Variants in DCP1A observed in about 807,000 individuals in gnomAD.
The protein encoded by DCP1A is decapping mRNA 1A, also known as mRNA-decapping enzyme 1A.
In DCP1A, 20 loss-of-function variants were observed where a neutral mutation model predicts 58.0. That is an observed-to-expected ratio of 0.34 (90% CI 0.24 to 0.50). DCP1A has a LOEUF of 0.50. DCP1A is among the 20% of genes least tolerant of loss of function. The pLI, the probability that DCP1A is intolerant of heterozygous loss-of-function variation, is 0.98. For synonymous variants in DCP1A, 285 were observed against 275.1 expected (o/e 1.04, Z -0.36); for missense variants, 613 against 712.2 (o/e 0.86, Z 1.59).
At chr3:53,330,830 T>A (rs797038628) in intron 3 of DCP1A, among the ~76,000 whole-genome samples, 5,395 of 149,292 alleles carry the variant, frequency 0.036, 284 homozygotes, top group African/African-American at 0.11. Flanking sequence ...TATATATTTT[T>A]TTTTTTTTTG....
At chr3:53,311,012 T>C (rs953306051) in intron 5 of DCP1A, among the ~76,000 whole-genome samples, 3 of 152,196 alleles carry the variant, frequency 2.0e-5, no homozygotes, top group Non-Finnish European at 2.9e-5. Flanking sequence ...ATCTGGGAAT[T>C]GGTGTTATTG....
intron 3 of DCP1A, among the ~76,000 whole-genome samples, chr3:53,321,311 C>A (rs939745290): frequency 6.6e-6 from 1 of 152,154 alleles, no homozygotes; most frequent in African/African-American, 2.4e-5. Flanking sequence ...CTATGCTACT[C>A]GGTTTAATTG....
At chr3:53,307,889 T>A (rs1490166063) in intron 5 of DCP1A, among the ~76,000 whole-genome samples, 1 of 152,232 alleles carries the variant, frequency 6.6e-6, no homozygotes, top group Admixed American at 6.5e-5. Context: ...ATCATTTATA[T>A]AATGCACATA....
chr3:53,336,845 GATTT>G (rs56054437), intron 3 of DCP1A, among the ~76,000 whole-genome samples: 19,730 of 144,132 alleles, frequency 0.14, 1,495 homozygotes, highest in South Asian at 0.18. Context: ...CCAAAGCCCA[GATTT>G]ATTTATTTAT....
intron 8 of DCP1A, among the ~76,000 whole-genome samples, chr3:53,288,638 T>C (rs1706736217): frequency 6.6e-6 from 1 of 152,050 alleles, no homozygotes; most frequent in Non-Finnish European, 1.5e-5. Flanking sequence ...GTTGGGGAAA[T>C]GACTGAAGAG....
chr3:53,326,025 T>C (rs540146618), intron 3 of DCP1A, among the ~76,000 whole-genome samples: 10 of 152,310 alleles, frequency 6.6e-5, no homozygotes, highest in African/African-American at 2.2e-4. Flanking sequence ...AAATTTAAAT[T>C]GTAATATCTA....
intron 3 of DCP1A, among the ~76,000 whole-genome samples, chr3:53,331,129 T>C (rs1329154116): frequency 6.6e-6 from 1 of 152,182 alleles, no homozygotes; most frequent in Non-Finnish European, 1.5e-5. Context: ...AGTGCTGGGA[T>C]TATAGGCATG....
chr3:53,295,715 T>C (rs559286010), intron 6 of DCP1A, among the ~76,000 whole-genome samples: 2 of 152,294 alleles, frequency 1.3e-5, no homozygotes, highest in East Asian at 3.9e-4. Flanking sequence ...AAATTTTTTG[T>C]AGTGAGCCAT....
chr3:53,297,775 C>T (rs1170452897), intron 6 of DCP1A, among the ~76,000 whole-genome samples: 1 of 152,154 alleles, frequency 6.6e-6, no homozygotes, highest in African/African-American at 2.4e-5. Context: ...AAACAGAGAT[C>T]AGATTGGGTC....
Position 53,292,292 on chromosome 3 carries a change from G to A in DCP1A, c.1160C>T (p.Thr387Ile). ...APLNVTNTAG[T>I]SLPSVDLLQK... ...GAGAAGATCAACGCTTGGGAGGGAT[G>A]TGCCAGCTGTGTTCGTCACGTTCAA... Residue 387 changes from threonine (T) to isoleucine (I), a missense_variant, in exon 7 of 10, where the codon ACA becomes ATA. By Grantham distance (89) the Thr-to-Ile change is moderately conservative. Coordinates refer to ENST00000610213, the MANE Select transcript of DCP1A (RefSeq NM_018403.7). 1 of 1,613,930 alleles carries A rather than the reference G, an allele frequency of 6.2e-7. No individual in the cohort carries two copies. The highest frequency in any genetic ancestry group is 8.5e-7 in the Non-Finnish European group (1 of 1,179,820).
intron 3 of DCP1A, among the ~76,000 whole-genome samples, chr3:53,330,523 GAAA>G (rs35855927): frequency 8.0e-6 from 1 of 125,572 alleles, no homozygotes; most frequent in Non-Finnish European, 1.7e-5. Context: ...CCTTGTCTCA[GAAA>G]AAAAAAAAAA....
chr3:53,322,977 A>C (rs534079794), intron 3 of DCP1A, among the ~76,000 whole-genome samples: 1 of 152,008 alleles, frequency 6.6e-6, no homozygotes, highest in South Asian at 2.1e-4. Context: ...GGCGCCCGTC[A>C]CCACACCCGG....
chr3:53,327,017 C>T (rs1708128717), intron 3 of DCP1A, among the ~76,000 whole-genome samples: 1 of 151,128 alleles, frequency 6.6e-6, no homozygotes, highest in Admixed American at 6.6e-5. Flanking sequence ...TCTAGTATCC[C>T]ACACAAATAT....
intron 8 of DCP1A, among the ~76,000 whole-genome samples, chr3:53,289,899 T>C (rs1252230621): frequency 6.6e-6 from 1 of 152,122 alleles, no homozygotes; most frequent in African/African-American, 2.4e-5. Flanking sequence ...AACGGTATGG[T>C]TTTTGGCATC....
intron 5 of DCP1A, among the ~76,000 whole-genome samples, chr3:53,309,647 C>T (rs1553688441): frequency 6.6e-6 from 1 of 152,048 alleles, no homozygotes. Context: ...GGCCTATAGT[C>T]GTGGCTAATT....
At chr3:53,298,108 C>CT (rs1707189448) in intron 6 of DCP1A, among the ~76,000 whole-genome samples, 1 of 152,246 alleles carries the variant, frequency 6.6e-6, no homozygotes, top group South Asian at 2.1e-4. Flanking sequence ...GTCCTGGCTG[C>CT]TTGGGAGGCT....
At chr3:53,321,859 A>T in intron 3 of DCP1A, among the ~76,000 whole-genome samples, 1 of 152,202 alleles carries the variant, frequency 6.6e-6, no homozygotes, top group Non-Finnish European at 1.5e-5. Flanking sequence ...AAAGTTAGTG[A>T]GCTTCAGTTA....
rs1553686306 is a variant in DCP1A, at chr3:53,292,681, G to A, written c.771C>T (p.Phe257=). 2 of 1,613,734 alleles carry A rather than the reference G, an allele frequency of 1.2e-6. No individual in the cohort carries two copies. Among genetic ancestry groups the A allele is most frequent in the South Asian group, 1.1e-5 (1 of 91,048 alleles). The change falls in exon 7 of 10, where the codon TTC becomes TTT. Residue 257 remains phenylalanine (F), a synonymous_variant. Transcript: ENST00000610213. The stretch of plus-strand genomic sequence containing the variant: ...CTAACTGCTCAAAGGGAAATGGTAG[G>A]AATGAATTGGGCTCTTTCTGGGAGG... ...GDASQKEPNS[F]LPFPFEQLGG... is the part of the protein sequence containing the mutation.
chr3:53,329,326 T>C (rs1400347657), intron 3 of DCP1A: 2 of 398,394 alleles, frequency 5.0e-6, no homozygotes, highest in Admixed American at 4.4e-5. Flanking sequence ...ACCTCCCTAC[T>C]TTTTCTAGTG....
Sources: gnomAD v4.1 joint callset for allele counts (sites outside exome capture counted in the v4.1 genomes callset) on GRCh38, gnomAD v4.1.1 for gene constraint, MANE v1.5 for transcripts, NCBI Gene and HGNC (gene_info 2026-07-23, HGNC 2026-07-21) for gene names.